The following MAP2 variants were observed in gnomAD, a reference collection of about 807,000 sequenced individuals.
MAP2 encodes microtubule associated protein 2.
Under a neutral mutation model 137.6 loss-of-function variants are expected in MAP2, and 14 were observed. That is an observed-to-expected ratio of 0.10 (90% confidence interval 0.07 to 0.16). The LOEUF is 0.16. Ranked by LOEUF, MAP2 falls within the 10% of genes least tolerant of loss-of-function variation. The pLI is 1.00. For synonymous variants in MAP2, 786 were observed against 782.3 expected, an observed-to-expected ratio of 1.00 and a Z score of -0.08; for missense variants, 2,088 against 2,191.5, an observed-to-expected ratio of 0.95 and a Z score of 0.94.
chr2:209,526,357 C>G (rs1488290139), intron 2 of MAP2, among the ~76,000 whole-genome samples: 6 of 151,496 alleles, frequency 4.0e-5, no homozygotes, highest in Non-Finnish European at 1.5e-5. Flanking sequence ...TGTCTGAGTG[C>G]CTGAGAATTC....
intron 4 of MAP2, among the ~76,000 whole-genome samples, chr2:209,628,343 A>G (rs747238821): frequency 7.2e-5 from 11 of 152,130 alleles, no homozygotes; most frequent in Admixed American, 2.6e-4. Context: ...AACCTTAAAT[A>G]TTACAGTGCA....
chr2:209,446,411 C>T (rs1699066931), intron 1 of MAP2, among the ~76,000 whole-genome samples: 2 of 151,600 alleles, frequency 1.3e-5, no homozygotes, highest in African/African-American at 4.8e-5. Flanking sequence ...TATTTTTCAC[C>T]CTCCAAACCC....
chr2:209,486,454 C>T (rs2058391730), intron 1 of MAP2, among the ~76,000 whole-genome samples: 1 of 152,098 alleles, frequency 6.6e-6, no homozygotes, highest in African/African-American at 2.4e-5. Context: ...GATCTCCTGA[C>T]CTCATGATCC....
At chr2:209,631,005 C>CA (rs776266690) in intron 4 of MAP2, among the ~76,000 whole-genome samples, 7 of 42,138 alleles carry the variant, frequency 1.7e-4, no homozygotes, top group Admixed American at 5.4e-4. Context: ...GAGCTACAAG[C>CA]AAAAAAAAAA....
intron 3 of MAP2, among the ~76,000 whole-genome samples, chr2:209,605,248 C>G (rs902486137): frequency 1.3e-5 from 2 of 151,976 alleles, no homozygotes; most frequent in African/African-American, 4.8e-5. Context: ...TTTTAAACAG[C>G]CCTTATGGAA....
chr2:209,544,405 T>C (rs577521130), intron 2 of MAP2, among the ~76,000 whole-genome samples: 1 of 152,304 alleles, frequency 6.6e-6, no homozygotes, highest in South Asian at 2.1e-4. Flanking sequence ...TCACTTTGAC[T>C]ATGAAAGGGA....
chr2:209,488,310 G>A (rs1157819844), intron 1 of MAP2, among the ~76,000 whole-genome samples: 1 of 152,168 alleles, frequency 6.6e-6, no homozygotes. Flanking sequence ...GTTGCCTCGG[G>A]TGCCTATACC....
At chr2:209,613,944 T>G (rs2088008649) in intron 3 of MAP2, among the ~76,000 whole-genome samples, 1 of 152,166 alleles carries the variant, frequency 6.6e-6, no homozygotes, top group African/African-American at 2.4e-5. Flanking sequence ...ATTGGCTCAC[T>G]TGCTGTGTTT....
chr2:209,544,366 GAAA>G (rs935102875), intron 2 of MAP2, among the ~76,000 whole-genome samples: 1 of 152,174 alleles, frequency 6.6e-6, no homozygotes, highest in African/African-American at 2.4e-5. Context: ...GGTATTGGGA[GAAA>G]TCTTTTTGCA....
chr2:209,703,541 T>C (rs1286053506), intron 11 of MAP2, among the ~76,000 whole-genome samples: 1 of 152,140 alleles, frequency 6.6e-6, no homozygotes, highest in Non-Finnish European at 1.5e-5. Flanking sequence ...ATATACATTA[T>C]CCTTAAATTA....
intron 11 of MAP2, chr2:209,704,579 G>A (rs776286324): frequency 4.3e-6 from 7 of 1,610,870 alleles, no homozygotes; most frequent in Admixed American, 3.4e-5. Context: ...CACCTCAGCA[G>A]GCTCCACAGA....
At chr2:209,601,530 A>G (rs1331454862) in intron 3 of MAP2, among the ~76,000 whole-genome samples, 2 of 152,198 alleles carry the variant, frequency 1.3e-5, no homozygotes, top group Non-Finnish European at 2.9e-5. Flanking sequence ...GAGAACTTCT[A>G]TAAATTATGT....
intron 1 of MAP2, among the ~76,000 whole-genome samples, chr2:209,457,113 A>G (rs1220773762): frequency 6.6e-6 from 1 of 152,224 alleles, no homozygotes. Context: ...ATGTGTTTCA[A>G]TAACATTATC....
At chr2:209,516,314 T>A (rs1168427555) in intron 2 of MAP2, among the ~76,000 whole-genome samples, 1 of 152,166 alleles carries the variant, frequency 6.6e-6, no homozygotes, top group African/African-American at 2.4e-5. Flanking sequence ...TGCTTAAAGA[T>A]GCTTCACCTA....
At chr2:209,710,553 G>A in intron 13 of MAP2, 1 of 257,304 alleles carries the variant, frequency 3.9e-6, no homozygotes. Flanking sequence ...TTTAACTTGA[G>A]ATTAAAGTTA....
chr2:209,591,467 TG>T (rs2079223194), intron 3 of MAP2, among the ~76,000 whole-genome samples: 1 of 152,150 alleles, frequency 6.6e-6, no homozygotes, highest in Non-Finnish European at 1.5e-5. Context: ...TGAGGACTTT[TG>T]TTTCCCCACC....
At chr2:209,688,959 TA>T (rs2058026756) in intron 7 of MAP2, among the ~76,000 whole-genome samples, 1 of 152,162 alleles carries the variant, frequency 6.6e-6, no homozygotes, top group Non-Finnish European at 1.5e-5. Context: ...TAAGTGAAAC[TA>T]AGTTCTTCTA....
At chr2:209,625,745 A>C (rs2092198611) in intron 4 of MAP2, among the ~76,000 whole-genome samples, 2 of 152,192 alleles carry the variant, frequency 1.3e-5, no homozygotes, top group Admixed American at 1.3e-4. Context: ...TATGGAATAA[A>C]AATAACAGTG....
rs2059246797 is a variant in MAP2, at chr2:209,692,639, T to C, written c.469T>C (p.Ser157Pro). Residue 157 changes from serine to proline, a missense_variant, in exon 8 of 16, where the codon TCG (serine) becomes CCG (proline). Ser to Pro is a moderately conservative substitution (Grantham distance 74, BLOSUM62 -1). Coordinates refer to ENST00000682079, the MANE Select transcript of MAP2 (RefSeq NM_001375505.1). ...GATTACTTCAGATTTACTTACAGCC[T>C]CGAAGATGGAGTTCCACGATCAACA... ...VTVEEDLLTA[S>P]KMEFHDQQEL... is the part of the protein sequence containing the mutation. 1 of 1,579,872 alleles carries C rather than the reference T, an allele frequency of 6.3e-7. No homozygotes were observed. The highest frequency in any genetic ancestry group is 1.4e-5 in the African/African-American group (1 of 72,882).
Sources: gnomAD v4.1 joint callset for allele counts (sites outside exome capture counted in the v4.1 genomes callset) on GRCh38, gnomAD v4.1.1 for gene constraint, MANE v1.5 for transcripts, NCBI Gene and HGNC (gene_info 2026-07-23, HGNC 2026-07-21) for gene names.